OASL: variants seen among roughly 807,000 people sequenced by gnomAD.
The protein encoded by OASL is 2'-5'-oligoadenylate synthetase like, also known as 2'-5'-oligoadenylate synthase-like protein.
A neutral mutation model predicts 35.3 loss-of-function variants in OASL; 28 were observed. That is an observed-to-expected ratio of 0.79 (90% CI 0.59 to 1.09). The LOEUF (loss-of-function observed/expected upper bound fraction) is 1.09, where lower values mean the gene tolerates loss of function less well. OASL is among the 50% of genes least tolerant of loss of function. The probability of loss-of-function intolerance (pLI) is 0.00; values close to 1 mark genes in which losing one functional copy is unlikely to be tolerated. For synonymous variants in OASL, 252 were observed against 254.6 expected, an observed-to-expected ratio of 0.99 and a Z score of 0.10; for missense variants, 620 against 635.2, an observed-to-expected ratio of 0.98 and a Z score of 0.26.
chr12:121,035,221 T>G (rs1247039552), intron 1 of OASL, among the ~76,000 whole-genome samples: 1 of 152,094 alleles, frequency 6.6e-6, no homozygotes, highest in Non-Finnish European at 1.5e-5. Context: ...GTATACATAT[T>G]ATTCCTTTTA....
At chr12:121,033,077 A>T (rs911178811) in intron 2 of OASL, among the ~76,000 whole-genome samples, 1 of 151,298 alleles carries the variant, frequency 6.6e-6, no homozygotes, top group Non-Finnish European at 1.5e-5. Context: ...GGCGCCCACC[A>T]CCACACCCAG....
chr12:121,021,361 A>G (rs551376552), intron 5 of OASL, among the ~76,000 whole-genome samples: 6 of 152,354 alleles, frequency 3.9e-5, no homozygotes, highest in African/African-American at 1.4e-4. Flanking sequence ...AGTAAGGAGC[A>G]GGGCAGATAT....
At chr12:121,033,811 C>A in intron 1 of OASL, 68 bp from the exon 2 acceptor site, 1 of 1,526,452 alleles carries the variant, frequency 6.6e-7, no homozygotes, top group South Asian at 1.2e-5. Flanking sequence ...TGCGGCACTT[C>A]ACATGCACTG....
chr12:121,025,097 C>T (rs1407477442), intron 4 of OASL, among the ~76,000 whole-genome samples: 3 of 151,294 alleles, frequency 2.0e-5, no homozygotes, highest in Non-Finnish European at 4.4e-5. Flanking sequence ...TCTGCCTCGG[C>T]CTCCTGAGTA....
intron 4 of OASL, among the ~76,000 whole-genome samples, chr12:121,026,834 A>G (rs1417688669): frequency 1.3e-5 from 2 of 151,718 alleles, no homozygotes; most frequent in African/African-American, 4.8e-5. Flanking sequence ...CCTGGGTGAC[A>G]GAGCAAAACT....
intron 3 of OASL, among the ~76,000 whole-genome samples, chr12:121,029,484 C>T (rs930602269): frequency 2.0e-5 from 3 of 152,236 alleles, no homozygotes; most frequent in Middle Eastern, 3.4e-3. Flanking sequence ...GTCAGGAGAT[C>T]GAGACCATCC....
At position 121,039,081 on chromosome 12, in the gene OASL, G is replaced by A. The variant is rs1565908851; in HGVS notation, c.-110C>T. ...AGCTCCTCCTCAGCTGCCCTCCAGTGCTCTGTGGGAGGAGGGACCCTAGCA... is the reference window on the plus strand; with the variant it reads ...AGCTCCTCCTCAGCTGCCCTCCAGTACTCTGTGGGAGGAGGGACCCTAGCA... On this transcript the variant is annotated 5_prime_UTR_variant, in exon 1 of 6. Transcript: ENST00000257570. 27 of 879,032 alleles carry A rather than the reference G, an allele frequency of 3.1e-5. No homozygotes were observed. In the South Asian group the frequency reaches 4.0e-4, roughly 13 times the overall value. The allele number at this position is 879,032 out of a possible 1,614,324, so 54.5% of individuals were successfully genotyped here. A position where few individuals can be genotyped will look rare whatever the true frequency, so the allele number is the denominator to read the frequency against.
chr12:121,020,563 A>T (rs973640163), exon 6 of OASL: 9 of 1,598,020 alleles, frequency 5.6e-6, no homozygotes, highest in Non-Finnish European at 4.3e-6. Flanking sequence ...AGAGAAAACT[A>T]ACTGGCTGGA....
chr12:121,039,176 G>A, exon 1 of OASL: 1 of 587,604 alleles, frequency 1.7e-6, no homozygotes, highest in South Asian at 2.0e-5. Flanking sequence ...TGCAGTAGGG[G>A]CACAGGAGGA....
chr12:121,032,763 C>A (rs956540910), intron 2 of OASL, among the ~76,000 whole-genome samples: 2 of 152,162 alleles, frequency 1.3e-5, no homozygotes, highest in Non-Finnish European at 2.9e-5. Context: ...CAGACCCCCA[C>A]TCCCACTTTT....
At chr12:121,032,355 G>C (rs1380339605) in intron 2 of OASL, among the ~76,000 whole-genome samples, 1 of 152,144 alleles carries the variant, frequency 6.6e-6, no homozygotes, top group South Asian at 2.1e-4. Context: ...ACAGCTGATA[G>C]GAGTTAGCAC....
At chr12:121,038,806 C>T in exon 1 of OASL, 5 of 1,614,130 alleles carry the variant, frequency 3.1e-6, no homozygotes, top group Non-Finnish European at 4.2e-6. Context: ...ACATCCTGGT[C>T]CAGCCCACGC....
intron 2 of OASL, 43 bp downstream of exon 2, chr12:121,033,418 G>A (rs1405499042): frequency 6.3e-7 from 1 of 1,589,076 alleles, no homozygotes. Context: ...AGTCTCCTGG[G>A]GTGGGCAAGT....
At chr12:121,027,877 C>T (rs1014634377) in intron 3 of OASL, 60 bp from the exon 4 acceptor site, 15 of 1,460,658 alleles carry the variant, frequency 1.0e-5, no homozygotes, top group African/African-American at 2.8e-5. Context: ...GTAAGGATGG[C>T]GTTGGACCAG....
At chr12:121,027,390 C>T (rs1424486506) in intron 4 of OASL, among the ~76,000 whole-genome samples, 186 bp downstream of exon 4, 2 of 152,194 alleles carry the variant, frequency 1.3e-5, no homozygotes, top group Non-Finnish European at 2.9e-5. Context: ...CGCCCCATGG[C>T]CCCCCAGTGA....
chr12:121,034,530 AGGGTTGTTTGAGGATTCTGG>A lies in OASL; in HGVS notation c.199-807_199-788del, dbSNP rs367946602. ...AGAGGAATGGTAGCATCTACTCCATAGGGTTGTTTGAGGATTCTGGGGGTGGTGGTGGGGCTGAATAATTT... is the reference window on the plus strand; with the variant it reads ...AGAGGAATGGTAGCATCTACTCCATAGGGTGGTGGTGGGGCTGAATAATTT... On this transcript the variant is annotated intron_variant, in intron 1 of 5. Coordinates refer to ENST00000257570, the Ensembl canonical transcript of OASL. Among the ~76,000 whole-genome samples the A allele has an allele frequency of 2.5e-4, 38 of 152,194 alleles. 2 individuals carry two copies. The highest frequency in any genetic ancestry group is 9.2e-4 in the African/African-American group (38 of 41,514).
At chr12:121,025,695 G>T (rs557016285) in intron 4 of OASL, among the ~76,000 whole-genome samples, 26 of 151,850 alleles carry the variant, frequency 1.7e-4, no homozygotes, top group Admixed American at 1.1e-3. Context: ...CCAGGAGGTG[G>T]TGGTTGCAGT....
chr12:121,030,404 C>G (rs1205118016), intron 3 of OASL, among the ~76,000 whole-genome samples: 1 of 152,092 alleles, frequency 6.6e-6, no homozygotes, highest in East Asian at 1.9e-4. Context: ...TGGGGTTTCA[C>G]TGTGTTAGCC....
chr12:121,030,448 C>A (rs1238842584), intron 3 of OASL, among the ~76,000 whole-genome samples: 1 of 152,162 alleles, frequency 6.6e-6, no homozygotes, highest in Non-Finnish European at 1.5e-5. Context: ...TCATGATCTG[C>A]CCACCTCGGC....
Sources: allele counts gnomAD v4.1 joint callset (sites outside exome capture counted in the v4.1 genomes callset), GRCh38; gene constraint gnomAD v4.1.1; transcripts MANE v1.5; gene names NCBI Gene and HGNC (gene_info 2026-07-23, HGNC 2026-07-21).